ENTREP2: variants seen among roughly 807,000 people sequenced by gnomAD.
ENTREP2 encodes the protein protein ENTREP2.
the ENTREP2 span, among the ~76,000 whole-genome samples, chr15:29,151,126 G>A: frequency 3.9e-5 from 6 of 152,056 alleles, no homozygotes; most frequent in South Asian, 1.2e-3. Flanking sequence ...TATGAGATGT[G>A]TATTTATAAA....
chr15:29,369,698 A>G, the ENTREP2 span, among the ~76,000 whole-genome samples: 1 of 152,222 alleles, frequency 6.6e-6, no homozygotes, highest in African/African-American at 2.4e-5. Context: ...AAAGATAACT[A>G]CATGGATGCT....
the ENTREP2 span, among the ~76,000 whole-genome samples, chr15:29,503,702 A>G: frequency 6.6e-6 from 1 of 152,226 alleles, no homozygotes; most frequent in Non-Finnish European, 1.5e-5. Context: ...GAGAAAATAA[A>G]ATTATAAAAT....
the ENTREP2 span, among the ~76,000 whole-genome samples, chr15:29,198,969 T>C: frequency 4.6e-5 from 7 of 152,398 alleles, no homozygotes; most frequent in African/African-American, 1.7e-4. Flanking sequence ...TGTGTGAATA[T>C]GCTGCCATTT....
the ENTREP2 span, among the ~76,000 whole-genome samples, chr15:29,414,885 A>G: frequency 6.6e-6 from 1 of 152,224 alleles, no homozygotes; most frequent in African/African-American, 2.4e-5. Flanking sequence ...ACACAAATAA[A>G]CTAGAAAATC....
the ENTREP2 span, among the ~76,000 whole-genome samples, chr15:29,478,017 A>G: frequency 8.8e-5 from 5 of 56,964 alleles, 1 homozygote; most frequent in South Asian, 2.6e-3. Flanking sequence ...ATATATATAT[A>G]TATTTTTTTT....
chr15:29,672,943 G>T, the ENTREP2 span, among the ~76,000 whole-genome samples: 1 of 152,114 alleles, frequency 6.6e-6, no homozygotes, highest in African/African-American at 2.4e-5. Flanking sequence ...TGAGCTGCTC[G>T]AGGGAGTATA....
the ENTREP2 span, among the ~76,000 whole-genome samples, chr15:29,479,433 C>T: frequency 6.6e-6 from 1 of 151,944 alleles, no homozygotes; most frequent in Non-Finnish European, 1.5e-5. Flanking sequence ...TATAGCGACA[C>T]AAGAAGGGCC....
At chr15:29,117,807 A>C in the ENTREP2 span, 1 of 152,042 alleles carries the variant, frequency 6.6e-6, no homozygotes, top group Non-Finnish European at 1.5e-5. Flanking sequence ...AATGTGACTA[A>C]TGACCACACC....
the ENTREP2 span, among the ~76,000 whole-genome samples, chr15:29,485,206 A>T: frequency 3.8e-4 from 58 of 152,176 alleles, no homozygotes; most frequent in Admixed American, 2.9e-3. Context: ...GCAAAAATGG[A>T]ATGGAGAGAA....
At chr15:29,163,137 C>T in the ENTREP2 span, among the ~76,000 whole-genome samples, 1 of 152,198 alleles carries the variant, frequency 6.6e-6, no homozygotes, top group Non-Finnish European at 1.5e-5. Context: ...GGGAGCACTC[C>T]ATGGGACAAA....
chr15:29,463,080 T>C, the ENTREP2 span, among the ~76,000 whole-genome samples: 9 of 152,008 alleles, frequency 5.9e-5, no homozygotes, highest in African/African-American at 9.7e-5. Context: ...AACATGGACA[T>C]AGGAATGGCG....
the ENTREP2 span, among the ~76,000 whole-genome samples, chr15:29,263,886 C>T: frequency 4.5e-3 from 682 of 152,156 alleles, 4 homozygotes; most frequent in African/African-American, 0.015. Context: ...TGGGTGGGCG[C>T]GGTGGCTCAC....
At chr15:29,486,151 T>C in the ENTREP2 span, among the ~76,000 whole-genome samples, 3 of 144,342 alleles carry the variant, frequency 2.1e-5, no homozygotes, top group Non-Finnish European at 3.0e-5. Context: ...AAATGATAAA[T>C]TGATACATTG....
the ENTREP2 span, among the ~76,000 whole-genome samples, chr15:29,427,207 C>A: frequency 6.6e-6 from 1 of 152,122 alleles, no homozygotes; most frequent in Non-Finnish European, 1.5e-5. Flanking sequence ...TCAAAGCTTT[C>A]CAGGCCTAAT....
the ENTREP2 span, among the ~76,000 whole-genome samples, chr15:29,501,608 G>C: frequency 6.6e-6 from 1 of 152,028 alleles, no homozygotes; most frequent in African/African-American, 2.4e-5. Context: ...TCAGGAAGAA[G>C]ACAAGGATGT....
At chr15:29,495,093 T>TAG in the ENTREP2 span, among the ~76,000 whole-genome samples, 7 of 152,248 alleles carry the variant, frequency 4.6e-5, no homozygotes, top group Admixed American at 3.9e-4. Flanking sequence ...ATGGTTGTTC[T>TAG]ATAATTTTTT....
the ENTREP2 span, among the ~76,000 whole-genome samples, chr15:29,586,817 A>G: frequency 2.4e-4 from 37 of 152,318 alleles, no homozygotes; most frequent in African/African-American, 8.7e-4. Context: ...TGCTCTGACA[A>G]TATAGATGTA....
chr15:29,372,859 G>C, the ENTREP2 span, among the ~76,000 whole-genome samples: 2 of 152,112 alleles, frequency 1.3e-5, no homozygotes, highest in East Asian at 1.9e-4. Context: ...TCAAATGGCA[G>C]GAGAAATACT....
At chr15:29,132,552 A>G in the ENTREP2 span, among the ~76,000 whole-genome samples, 143,256 of 152,286 alleles carry the variant, frequency 0.94, 68,002 homozygotes, top group East Asian at 1. Flanking sequence ...TCAGCCTCTG[A>G]CCTTTCAGCT....
Sources: allele counts gnomAD v4.1 joint callset (sites outside exome capture counted in the v4.1 genomes callset), GRCh38; gene constraint gnomAD v4.1.1; transcripts MANE v1.5; gene names NCBI Gene and HGNC (gene_info 2026-07-23, HGNC 2026-07-21).